The following XKR9 variants were observed in gnomAD, a reference collection of about 807,000 sequenced individuals.
XKR9 encodes the protein XK-related protein 9.
XKR9 carries 32 observed loss-of-function variants against 32.0 expected under a neutral mutation model. The observed-to-expected ratio is 1.00, with a 90% CI of 0.76 to 1.34. The LOEUF is 1.34. Ranked by LOEUF, XKR9 falls within the 40% of genes most tolerant of loss-of-function variation. The pLI, the probability that XKR9 is intolerant of heterozygous loss-of-function variation, is 0.00. For missense variants in XKR9, 546 were observed against 429.7 expected (o/e 1.27, Z -2.39); for synonymous variants, 168 against 143.4 (o/e 1.17, Z -1.22).
chr8:70,935,333 T>C, the XKR9 span, among the ~76,000 whole-genome samples: 1 of 151,860 alleles, frequency 6.6e-6, no homozygotes, highest in Non-Finnish European at 1.5e-5. Context: ...GTATTGTTAC[T>C]ATTAAACACT....
the XKR9 span, among the ~76,000 whole-genome samples, chr8:71,001,386 G>T: frequency 6.6e-6 from 1 of 151,936 alleles, no homozygotes; most frequent in East Asian, 1.9e-4. Flanking sequence ...CTCAGCCTCC[G>T]GAATAGCTGG....
the XKR9 span, among the ~76,000 whole-genome samples, chr8:70,890,876 A>T: frequency 6.6e-6 from 1 of 151,894 alleles, no homozygotes. Flanking sequence ...TCTTGGTATT[A>T]GTTCTTTAAA....
chr8:70,808,037 A>G, the XKR9 span, among the ~76,000 whole-genome samples: 1 of 152,086 alleles, frequency 6.6e-6, no homozygotes. Flanking sequence ...AGGAAATGCA[A>G]AAAAAACCTC....
At chr8:70,825,678 T>C in the XKR9 span, among the ~76,000 whole-genome samples, 1 of 152,142 alleles carries the variant, frequency 6.6e-6, no homozygotes, top group Non-Finnish European at 1.5e-5. Context: ...GTCACTTCTA[T>C]GCCTCCCAAA....
chr8:70,903,810 A>C, the XKR9 span, among the ~76,000 whole-genome samples: 13 of 151,916 alleles, frequency 8.6e-5, no homozygotes, highest in Non-Finnish European at 1.6e-4. Flanking sequence ...ACTGCTCTAA[A>C]TATGTCCCAG....
At chr8:70,903,119 C>T in the XKR9 span, among the ~76,000 whole-genome samples, 1,966 of 151,778 alleles carry the variant, frequency 0.013, 47 homozygotes, top group African/African-American at 0.044. Flanking sequence ...GTTGTGGTTC[C>T]GCCAGGCTTT....
chr8:70,751,578 A>G (rs1245323738), intron 2 of XKR9, among the ~76,000 whole-genome samples: 1 of 152,176 alleles, frequency 6.6e-6, no homozygotes, highest in Admixed American at 6.5e-5. Flanking sequence ...CCTTCACCCA[A>G]TATGGGTAGG....
chr8:70,776,863 C>A (rs1207747093), intron 2 of XKR9, among the ~76,000 whole-genome samples: 1 of 150,706 alleles, frequency 6.6e-6, no homozygotes, highest in South Asian at 2.1e-4. Context: ...ATCTGTCTGG[C>A]CTGCCATTAC....
the XKR9 span, among the ~76,000 whole-genome samples, chr8:70,935,878 C>T: frequency 2.6e-5 from 4 of 151,982 alleles, no homozygotes; most frequent in African/African-American, 9.6e-5. Flanking sequence ...CTTTATTGCC[C>T]CATGTTCCAA....
chr8:70,774,643 C>T (rs945023368), intron 2 of XKR9, among the ~76,000 whole-genome samples: 2 of 152,054 alleles, frequency 1.3e-5, no homozygotes, highest in Non-Finnish European at 2.9e-5. Flanking sequence ...GTTGTTCCAG[C>T]ATAGTTTGTT....
chr8:70,782,215 G>A (rs1807626661), intron 2 of XKR9, among the ~76,000 whole-genome samples: 1 of 151,804 alleles, frequency 6.6e-6, no homozygotes, highest in South Asian at 2.1e-4. Flanking sequence ...GCTATTCTCG[G>A]GTTTAGTCTT....
the XKR9 span, among the ~76,000 whole-genome samples, chr8:71,029,792 A>T: frequency 6.6e-6 from 1 of 152,026 alleles, no homozygotes; most frequent in South Asian, 2.1e-4. Context: ...AAAAAAAAAA[A>T]GTTGGCTAAT....
At chr8:70,745,241 T>C (rs574164368) in intron 2 of XKR9, among the ~76,000 whole-genome samples, 1 of 152,318 alleles carries the variant, frequency 6.6e-6, no homozygotes, top group East Asian at 1.9e-4. Flanking sequence ...TAGAATGAAC[T>C]TAATTAATTT....
At chr8:71,014,398 A>G in the XKR9 span, among the ~76,000 whole-genome samples, 1 of 152,152 alleles carries the variant, frequency 6.6e-6, no homozygotes, top group South Asian at 2.1e-4. Context: ...CATGCTCCCC[A>G]CAAAAGCTCT....
the XKR9 span, among the ~76,000 whole-genome samples, chr8:70,909,703 CT>C: frequency 0.04 from 3,680 of 91,124 alleles, 224 homozygotes; most frequent in African/African-American, 0.14. Context: ...TCGATTTATC[CT>C]TTTTTTTTTT....
chr8:70,876,756 A>G, the XKR9 span, among the ~76,000 whole-genome samples: 1 of 152,114 alleles, frequency 6.6e-6, no homozygotes, highest in Non-Finnish European at 1.5e-5. Context: ...CTGAGTCTGA[A>G]GCTATGAGTC....
chr8:70,955,928 C>T, the XKR9 span, among the ~76,000 whole-genome samples: 1 of 152,206 alleles, frequency 6.6e-6, no homozygotes, highest in Non-Finnish European at 1.5e-5. Context: ...GCAGTGGGTA[C>T]TCCTGTCTGG....
chr8:70,785,520 A>C (rs1807673207), intron 2 of XKR9, among the ~76,000 whole-genome samples: 1 of 149,962 alleles, frequency 6.7e-6, no homozygotes, highest in Admixed American at 6.7e-5. Flanking sequence ...TTCTCCTCTG[A>C]TCTTTATTAT....
chr8:71,039,553 G>T, the XKR9 span, among the ~76,000 whole-genome samples: 7 of 152,142 alleles, frequency 4.6e-5, no homozygotes, highest in Non-Finnish European at 1.0e-4. Flanking sequence ...GGTACATAGA[G>T]GATTCTACAA....
Sources: allele counts gnomAD v4.1 joint callset (sites outside exome capture counted in the v4.1 genomes callset), GRCh38; gene constraint gnomAD v4.1.1; transcripts MANE v1.5; gene names NCBI Gene and HGNC (gene_info 2026-07-23, HGNC 2026-07-21).